Variants in STK39 observed in about 807,000 individuals in gnomAD.
STK39 encodes STE20/SPS1-related proline-alanine-rich protein kinase.
Under a neutral mutation model 77.8 loss-of-function variants are expected in STK39, and 20 were observed. The observed-to-expected ratio is 0.26, with a 90% CI of 0.18 to 0.37. The LOEUF (loss-of-function observed/expected upper bound fraction) is 0.37. Among genes scored for constraint, STK39 ranks in the 10% least tolerant of loss-of-function variants. STK39 has a pLI of 1.00. For missense variants in STK39, 479 were observed against 656.5 expected (o/e 0.73, Z 2.95); for synonymous variants, 246 against 234.1 (o/e 1.05, Z -0.47).
intron 16 of STK39, among the ~76,000 whole-genome samples, chr2:168,002,258 G>A (rs1043561684): frequency 3.3e-5 from 5 of 152,214 alleles, no homozygotes; most frequent in African/African-American, 9.7e-5. Flanking sequence ...TTACAGTGTG[G>A]TTTACTGCTG....
At chr2:168,212,141 G>C (rs958186445) in intron 1 of STK39, among the ~76,000 whole-genome samples, 1 of 152,188 alleles carries the variant, frequency 6.6e-6, no homozygotes. Flanking sequence ...AGCTTGAGTC[G>C]TAAATTGAAG....
At chr2:168,165,032 T>C (rs1688663492) in intron 3 of STK39, among the ~76,000 whole-genome samples, 1 of 152,110 alleles carries the variant, frequency 6.6e-6, no homozygotes, top group Non-Finnish European at 1.5e-5. Context: ...TGTAATGAAA[T>C]AGAAGAAAAC....
intron 8 of STK39, among the ~76,000 whole-genome samples, chr2:168,131,773 TACAGTATA>T (rs1290923837): frequency 6.6e-6 from 1 of 152,230 alleles, no homozygotes; most frequent in Non-Finnish European, 1.5e-5. Context: ...AACTAAACAC[TACAGTATA>T]ACTCTTTCAA....
At chr2:167,980,284 A>C (rs1447927662) in intron 16 of STK39, among the ~76,000 whole-genome samples, 4 of 152,228 alleles carry the variant, frequency 2.6e-5, no homozygotes, top group African/African-American at 9.6e-5. Flanking sequence ...GAAAAGTTCT[A>C]ATCAGTGAGA....
intron 16 of STK39, 115 bp from the exon 17 acceptor site, chr2:167,964,841 T>C: frequency 1.2e-6 from 1 of 823,848 alleles, no homozygotes; most frequent in Admixed American, 2.5e-5. Flanking sequence ...AAAATCATTT[T>C]TCATAAACAT....
At chr2:167,958,370 A>G (rs891737764) in intron 17 of STK39, among the ~76,000 whole-genome samples, 6 of 152,232 alleles carry the variant, frequency 3.9e-5, no homozygotes, top group South Asian at 2.1e-4. Context: ...ACTATCTTAA[A>G]TTAAAACTAA....
At chr2:168,024,038 A>C (rs1045656419) in intron 14 of STK39, among the ~76,000 whole-genome samples, 1 of 152,190 alleles carries the variant, frequency 6.6e-6, no homozygotes, top group Non-Finnish European at 1.5e-5. Flanking sequence ...CCCCGCTATC[A>C]GGAGTAGGAA....
chr2:168,175,318 T>C (rs1449190691), intron 2 of STK39, among the ~76,000 whole-genome samples: 3 of 152,166 alleles, frequency 2.0e-5, no homozygotes, highest in East Asian at 3.8e-4. Context: ...GTTTTCCCCA[T>C]TTTCTCCTAC....
chr2:168,238,871 A>T (rs1449389042), intron 1 of STK39, among the ~76,000 whole-genome samples: 1 of 152,228 alleles, frequency 6.6e-6, no homozygotes, highest in Non-Finnish European at 1.5e-5. Flanking sequence ...ACTTCAACTA[A>T]GAGCTGTTTT....
chr2:168,136,052 G>A (rs1046620957), intron 8 of STK39, among the ~76,000 whole-genome samples: 33 of 150,400 alleles, frequency 2.2e-4, no homozygotes, highest in African/African-American at 7.1e-4. Flanking sequence ...AATAAAATCC[G>A]GAAAGACTTT....
At chr2:168,006,268 G>GT (rs772663361) in intron 16 of STK39, among the ~76,000 whole-genome samples, 1 of 152,214 alleles carries the variant, frequency 6.6e-6, no homozygotes, top group Non-Finnish European at 1.5e-5. Context: ...GTAGGAGTCG[G>GT]TAAGCAGGCC....
At chr2:168,129,401 G>A (rs1215536513) in intron 10 of STK39, 140 bp downstream of exon 10, 1 of 897,380 alleles carries the variant, frequency 1.1e-6, no homozygotes, top group Non-Finnish European at 1.7e-6. Context: ...GGCAAATGCA[G>A]TTATCTGAGT....
At chr2:168,033,147 A>C (rs983582261) in intron 14 of STK39, among the ~76,000 whole-genome samples, 2 of 152,256 alleles carry the variant, frequency 1.3e-5, no homozygotes, top group East Asian at 1.9e-4. Context: ...TCCTTACCTG[A>C]TGCATGGCAG....
intron 10 of STK39, among the ~76,000 whole-genome samples, chr2:168,087,496 G>T (rs1384708207): frequency 6.6e-6 from 1 of 152,188 alleles, no homozygotes; most frequent in Non-Finnish European, 1.5e-5. Flanking sequence ...GATTCAATAC[G>T]TGGAAAAGCT....
chr2:168,035,574 A>C (rs1684930612), intron 14 of STK39, among the ~76,000 whole-genome samples: 2 of 152,234 alleles, frequency 1.3e-5, no homozygotes, highest in Non-Finnish European at 2.9e-5. Context: ...GTGAGTTAAA[A>C]ATGAAAGAAG....
chr2:168,044,524 G>C (rs1056598805), intron 14 of STK39, among the ~76,000 whole-genome samples: 5 of 152,146 alleles, frequency 3.3e-5, no homozygotes, highest in African/African-American at 9.7e-5. Context: ...CTGTTTATAA[G>C]AAAGATGCTA....
chr2:168,166,438 G>A (rs565687781), intron 3 of STK39, among the ~76,000 whole-genome samples: 190 of 152,348 alleles, frequency 1.2e-3, no homozygotes, highest in African/African-American at 4.5e-3. Flanking sequence ...GCTAGAGAGA[G>A]GAAGTGACTT....
intron 1 of STK39, among the ~76,000 whole-genome samples, chr2:168,236,590 A>G (rs1397839654): frequency 1.3e-5 from 2 of 152,226 alleles, no homozygotes; most frequent in African/African-American, 2.4e-5. Flanking sequence ...TTTAGGTCTA[A>G]CATGTAAGTC....
intron 10 of STK39, among the ~76,000 whole-genome samples, chr2:168,094,949 GTTGTC>G (rs1208053487): frequency 1.3e-5 from 2 of 152,108 alleles, no homozygotes. Flanking sequence ...AATCCTTCCA[GTTGTC>G]TTCCCCCTTC....
Sources: allele counts gnomAD v4.1 joint callset (sites outside exome capture counted in the v4.1 genomes callset), GRCh38; gene constraint gnomAD v4.1.1; transcripts MANE v1.5; gene names NCBI Gene and HGNC (gene_info 2026-07-23, HGNC 2026-07-21).